The following NTNG1 variants were observed in gnomAD, a reference collection of about 807,000 sequenced individuals.
NTNG1 encodes netrin-G1.
Under a neutral mutation model 54.0 loss-of-function variants are expected in NTNG1, and 16 were observed. The ratio of observed to expected loss-of-function variants is 0.30; its 90% confidence interval spans 0.20 to 0.45. NTNG1 has a LOEUF of 0.45. Ranked by LOEUF, NTNG1 falls within the 20% of genes least tolerant of loss-of-function variation. NTNG1 has a pLI of 1.00. For missense variants in NTNG1, 530 were observed against 678.7 expected (o/e 0.78, Z 2.43); for synonymous variants, 255 against 263.1 (o/e 0.97, Z 0.30).
chr1:107,426,615 T>C (rs1173965247), intron 5 of NTNG1, among the ~76,000 whole-genome samples: 2 of 152,108 alleles, frequency 1.3e-5, no homozygotes, highest in Non-Finnish European at 2.9e-5. Context: ...GCCTCTGGAT[T>C]GGTTCCTTTT....
chr1:107,220,007 A>G (rs1435435328), intron 2 of NTNG1, among the ~76,000 whole-genome samples: 4 of 152,172 alleles, frequency 2.6e-5, no homozygotes, highest in African/African-American at 7.2e-5. Context: ...GTAGAGACAG[A>G]CCATCAGGTG....
intron 2 of NTNG1, among the ~76,000 whole-genome samples, chr1:107,288,710 A>G (rs1008158959): frequency 6.6e-6 from 1 of 152,206 alleles, no homozygotes; most frequent in Non-Finnish European, 1.5e-5. Context: ...GGTTAAGAGG[A>G]AACAAGTATA....
chr1:107,199,924 G>A (rs1658613808), intron 2 of NTNG1, among the ~76,000 whole-genome samples: 1 of 151,772 alleles, frequency 6.6e-6, no homozygotes, highest in South Asian at 2.1e-4. Flanking sequence ...TTCTGGACCA[G>A]GATTTGTTTG....
At chr1:107,223,580 A>G (rs891015913) in intron 2 of NTNG1, among the ~76,000 whole-genome samples, 6 of 152,182 alleles carry the variant, frequency 3.9e-5, no homozygotes, top group African/African-American at 1.4e-4. Flanking sequence ...ATGTTTTGTT[A>G]TAGCTAAGTA....
At chr1:107,319,849 A>G (rs996171712) in intron 2 of NTNG1, among the ~76,000 whole-genome samples, 1 of 137,962 alleles carries the variant, frequency 7.2e-6, no homozygotes, top group Admixed American at 7.7e-5. Context: ...TTACATTAAT[A>G]TCGCTTACCT....
intron 3 of NTNG1, among the ~76,000 whole-genome samples, chr1:107,355,252 G>A (rs1171780405): frequency 6.7e-6 from 1 of 149,318 alleles, no homozygotes; most frequent in African/African-American, 2.5e-5. Flanking sequence ...TACAGGTCTA[G>A]TCTTTTTTTT....
intron 2 of NTNG1, among the ~76,000 whole-genome samples, chr1:107,162,460 G>T (rs1057120065): frequency 6.6e-6 from 1 of 151,918 alleles, no homozygotes; most frequent in Admixed American, 6.6e-5. Context: ...AGAATTTTTG[G>T]TAAAACTCTA....
intron 2 of NTNG1, among the ~76,000 whole-genome samples, chr1:107,243,287 G>A (rs1317761908): frequency 1.3e-5 from 2 of 152,154 alleles, no homozygotes; most frequent in Admixed American, 6.6e-5. Flanking sequence ...CCAAAAGTTG[G>A]CTCTAAAAAT....
chr1:107,348,432 C>T (rs1364796868), intron 3 of NTNG1, among the ~76,000 whole-genome samples: 1 of 152,126 alleles, frequency 6.6e-6, no homozygotes, highest in Non-Finnish European at 1.5e-5. Flanking sequence ...GTCCCTGGTA[C>T]TCTTCTTAAT....
At chr1:107,168,640 G>A (rs924020500) in intron 2 of NTNG1, among the ~76,000 whole-genome samples, 4 of 151,986 alleles carry the variant, frequency 2.6e-5, no homozygotes, top group African/African-American at 7.2e-5. Flanking sequence ...TTGCATCCTG[G>A]ATAAACATAG....
chr1:107,418,607 C>A (rs372654635), intron 5 of NTNG1: 12 of 1,603,308 alleles, frequency 7.5e-6, no homozygotes, highest in African/African-American at 1.3e-5. Context: ...AGGATATGGC[C>A]GAATATTTCT....
chr1:107,279,262 T>A (rs1664677201), intron 2 of NTNG1, among the ~76,000 whole-genome samples: 1 of 152,126 alleles, frequency 6.6e-6, no homozygotes, highest in Non-Finnish European at 1.5e-5. Context: ...TTTTGTACAG[T>A]TTTTTCTTTT....
intron 3 of NTNG1, chr1:107,333,912 A>G (rs1668428909): frequency 6.7e-6 from 1 of 150,008 alleles, no homozygotes; most frequent in South Asian, 2.1e-4. Flanking sequence ...TAAGTACTGT[A>G]TTGGAATAAA....
chr1:107,237,120 G>A (rs964021398), intron 2 of NTNG1, among the ~76,000 whole-genome samples: 6 of 152,138 alleles, frequency 3.9e-5, no homozygotes, highest in South Asian at 2.1e-4. Context: ...TGCTGATAGC[G>A]ATATGGACAA....
intron 2 of NTNG1, among the ~76,000 whole-genome samples, chr1:107,234,366 GC>G (rs1391084802): frequency 6.6e-6 from 1 of 151,838 alleles, no homozygotes; most frequent in Non-Finnish European, 1.5e-5. Context: ...CAAGTAATCT[GC>G]CCACCTCAGC....
intron 2 of NTNG1, among the ~76,000 whole-genome samples, chr1:107,277,213 G>A (rs1051694691): frequency 1.3e-5 from 2 of 152,154 alleles, no homozygotes; most frequent in African/African-American, 4.8e-5. Flanking sequence ...TCAGTTGTTC[G>A]CTGGGAGCAA....
intron 2 of NTNG1, among the ~76,000 whole-genome samples, chr1:107,255,611 AC>A (rs1378010380): frequency 6.6e-6 from 1 of 152,214 alleles, no homozygotes; most frequent in African/African-American, 2.4e-5. Flanking sequence ...CTTTGAAGAT[AC>A]CTGTCTATGT....
intron 3 of NTNG1, among the ~76,000 whole-genome samples, chr1:107,353,787 C>T (rs1669773330): frequency 6.6e-6 from 1 of 152,156 alleles, no homozygotes; most frequent in South Asian, 2.1e-4. Context: ...GCTTATGTTT[C>T]CACAGGCTGT....
At chr1:107,289,398 T>C (rs1393681630) in intron 2 of NTNG1, among the ~76,000 whole-genome samples, 1 of 152,192 alleles carries the variant, frequency 6.6e-6, no homozygotes, top group Non-Finnish European at 1.5e-5. Context: ...CAGCTTCTTT[T>C]ATAAAGAAAT....
Sources: allele counts gnomAD v4.1 joint callset (sites outside exome capture counted in the v4.1 genomes callset), GRCh38; gene constraint gnomAD v4.1.1; transcripts MANE v1.5; gene names NCBI Gene and HGNC (gene_info 2026-07-23, HGNC 2026-07-21).